TBC1D22A: variants seen among roughly 807,000 people sequenced by gnomAD.
TBC1D22A encodes the protein TBC1 domain family member 22A.
Under a neutral mutation model 60.2 loss-of-function variants are expected in TBC1D22A, and 38 were observed. That is an observed-to-expected ratio of 0.63 (90% CI 0.49 to 0.83). TBC1D22A has a LOEUF of 0.83. Ranked by LOEUF, TBC1D22A falls within the 40% of genes least tolerant of loss-of-function variation. The pLI is 0.00. For synonymous variants in TBC1D22A, 302 were observed against 281.7 expected (o/e 1.07, Z -0.72); for missense variants, 628 against 701.0 (o/e 0.90, Z 1.18).
chr22:47,167,828 G>A (rs73170482), intron 12 of TBC1D22A, among the ~76,000 whole-genome samples: 14,347 of 152,240 alleles, frequency 0.094, 897 homozygotes, highest in Non-Finnish European at 0.14. Context: ...GGGGATGGAA[G>A]TTCTCACTCC....
chr22:47,060,473 C>T (rs1603208991), intron 11 of TBC1D22A, among the ~76,000 whole-genome samples: 2 of 152,216 alleles, frequency 1.3e-5, no homozygotes, highest in African/African-American at 2.4e-5. Flanking sequence ...CTCTGTAGCC[C>T]AGGCTAGAGT....
intron 4 of TBC1D22A, among the ~76,000 whole-genome samples, chr22:46,803,490 C>T (rs935657770): frequency 3.3e-5 from 5 of 152,110 alleles, no homozygotes; most frequent in African/African-American, 2.4e-5. Context: ...GCGGGGAGGG[C>T]GGTTGGTTCT....
intron 10 of TBC1D22A, among the ~76,000 whole-genome samples, chr22:47,029,362 C>A (rs751771275): frequency 2.6e-5 from 4 of 152,162 alleles, no homozygotes; most frequent in Non-Finnish European, 4.4e-5. Flanking sequence ...TGCTAACTCT[C>A]CTGCCATAGC....
intron 12 of TBC1D22A, among the ~76,000 whole-genome samples, chr22:47,149,293 C>CCTG (rs1489213522): frequency 1.3e-5 from 2 of 152,218 alleles, no homozygotes; most frequent in African/African-American, 4.8e-5. Flanking sequence ...ACGCTCACAT[C>CCTG]TGCTCCGTGG....
intron 8 of TBC1D22A, among the ~76,000 whole-genome samples, chr22:46,965,424 G>T (rs746111668): frequency 1.1e-4 from 16 of 152,226 alleles, no homozygotes; most frequent in Non-Finnish European, 2.4e-4. Context: ...GACGGCCCCC[G>T]TCTCGGTACC....
intron 8 of TBC1D22A, among the ~76,000 whole-genome samples, chr22:46,935,174 A>G (rs1195083749): frequency 6.6e-6 from 1 of 152,158 alleles, no homozygotes; most frequent in Non-Finnish European, 1.5e-5. Flanking sequence ...AAGAAGGTAC[A>G]AGTAATATTA....
chr22:46,917,763 G>T (rs568532474), intron 8 of TBC1D22A, among the ~76,000 whole-genome samples: 1 of 152,136 alleles, frequency 6.6e-6, no homozygotes, highest in African/African-American at 2.4e-5. Context: ...GAGTGCAGCG[G>T]GTCACAGGAT....
chr22:47,049,905 G>T (rs2063154224), intron 11 of TBC1D22A, among the ~76,000 whole-genome samples: 1 of 152,232 alleles, frequency 6.6e-6, no homozygotes, highest in Non-Finnish European at 1.5e-5. Flanking sequence ...GGGCTGCAGG[G>T]TGAACGGGTC....
chr22:47,005,390 A>G (rs2061552019), intron 10 of TBC1D22A, among the ~76,000 whole-genome samples: 1 of 150,936 alleles, frequency 6.6e-6, no homozygotes, highest in African/African-American at 2.4e-5. Context: ...ACATACCCCT[A>G]TGCACGCACC....
At chr22:46,994,622 G>A (rs1006860143) in intron 9 of TBC1D22A, among the ~76,000 whole-genome samples, 4 of 152,232 alleles carry the variant, frequency 2.6e-5, no homozygotes, top group African/African-American at 9.7e-5. Flanking sequence ...CCATGGCTCC[G>A]GAATTTGTCG....
At chr22:46,858,115 C>T (rs560919262) in intron 4 of TBC1D22A, among the ~76,000 whole-genome samples, 4 of 152,318 alleles carry the variant, frequency 2.6e-5, no homozygotes, top group African/African-American at 9.6e-5. Context: ...CTCTGGTCTT[C>T]CCACATTTAA....
At chr22:47,166,506 C>A (rs1270129214) in intron 12 of TBC1D22A, among the ~76,000 whole-genome samples, 1 of 152,252 alleles carries the variant, frequency 6.6e-6, no homozygotes, top group East Asian at 1.9e-4. Context: ...TCTGCACAGA[C>A]CCGCCCTGTT....
At chr22:46,770,223 C>G (rs917417056) in intron 1 of TBC1D22A, among the ~76,000 whole-genome samples, 1 of 152,178 alleles carries the variant, frequency 6.6e-6, no homozygotes, top group Non-Finnish European at 1.5e-5. Flanking sequence ...GGCGCGGCTT[C>G]TAGAAGCTGC....
intron 11 of TBC1D22A, among the ~76,000 whole-genome samples, chr22:47,108,908 G>T (rs1603276751): frequency 6.6e-6 from 1 of 152,182 alleles, no homozygotes; most frequent in Admixed American, 6.5e-5. Context: ...TGTTAGCCAG[G>T]ATGGTCTTGA....
At chr22:46,973,157 A>G (rs2074142472) in intron 8 of TBC1D22A, among the ~76,000 whole-genome samples, 1 of 152,226 alleles carries the variant, frequency 6.6e-6, no homozygotes, top group Admixed American at 6.5e-5. Flanking sequence ...GCGATGGGAT[A>G]GGACTGTACA....
chr22:47,032,906 A>G (rs1476359825), intron 10 of TBC1D22A, among the ~76,000 whole-genome samples: 2 of 152,070 alleles, frequency 1.3e-5, no homozygotes, highest in Non-Finnish European at 2.9e-5. Flanking sequence ...TTCCTTTCAC[A>G]CTGCCGTCCC....
chr22:46,963,427 C>T (rs991021213), intron 8 of TBC1D22A, among the ~76,000 whole-genome samples: 11 of 152,208 alleles, frequency 7.2e-5, no homozygotes, highest in South Asian at 4.1e-4. Context: ...CAGGCCTCCA[C>T]GATTGTGTGG....
intron 12 of TBC1D22A, among the ~76,000 whole-genome samples, chr22:47,114,439 CTG>C (rs1289221424): frequency 6.6e-6 from 1 of 151,860 alleles, no homozygotes; most frequent in Admixed American, 6.6e-5. Flanking sequence ...GGAGAGAATG[CTG>C]TGAGTGAGGG....
intron 11 of TBC1D22A, among the ~76,000 whole-genome samples, chr22:47,042,995 C>T (rs538203481): frequency 5.9e-5 from 9 of 152,298 alleles, no homozygotes; most frequent in African/African-American, 1.2e-4. Context: ...CCTTGGGCCC[C>T]GAATCACTCA....
Sources: allele counts gnomAD v4.1 joint callset (sites outside exome capture counted in the v4.1 genomes callset), GRCh38; gene constraint gnomAD v4.1.1; transcripts MANE v1.5; gene names NCBI Gene and HGNC (gene_info 2026-07-23, HGNC 2026-07-21).